The following BOD1L1 variants were observed in gnomAD, a reference collection of about 807,000 sequenced individuals.
The protein encoded by BOD1L1 is biorientation of chromosomes in cell division protein 1-like 1.
In BOD1L1, 86 loss-of-function variants were observed where a neutral mutation model predicts 240.7. The ratio of observed to expected loss-of-function variants is 0.36; its 90% confidence interval spans 0.30 to 0.43. BOD1L1 has a LOEUF of 0.43. BOD1L1 is among the 20% of genes least tolerant of loss of function. The pLI, the probability that BOD1L1 is intolerant of heterozygous loss-of-function variation, is 1.00. For missense variants in BOD1L1, 3,554 were observed against 3,643.5 expected (o/e 0.98, Z 0.63); for synonymous variants, 1,268 against 1,272.3 (o/e 1.00, Z 0.07).
intron 25 of BOD1L1, among the ~76,000 whole-genome samples, chr4:13,573,442 GTCTA>G (rs1553830292): frequency 0.014 from 1,635 of 120,844 alleles, 19 homozygotes; most frequent in South Asian, 0.037. Flanking sequence ...CTGTCTGTCT[GTCTA>G]TCTATCTATC....
chr4:13,585,894 A>T (rs766729653), intron 17 of BOD1L1, among the ~76,000 whole-genome samples: 7 of 152,170 alleles, frequency 4.6e-5, no homozygotes, highest in African/African-American at 7.2e-5. Flanking sequence ...TTCTACCATG[A>T]TTGTGAGGCC....
rs765489927 is a variant in BOD1L1, at chr4:13,600,496, C to A, written c.6404G>T (p.Ser2135Ile). 1 of 1,613,972 alleles carries A rather than the reference C, an allele frequency of 6.2e-7. No homozygotes were observed. Among genetic ancestry groups the A allele is most frequent in the South Asian group, 1.1e-5 (1 of 91,088 alleles). The change falls in exon 10 of 26, where the codon AGT (serine) becomes ATT (isoleucine). Residue 2135 changes from serine (S) to isoleucine (I), a missense_variant. Ser to Ile is a moderately radical substitution (Grantham distance 142). This residue lies in a region of BOD1L1 where 3,393 missense variants were observed against 3,427.1 expected (regional missense o/e 0.99). Transcript: ENST00000040738. Reference sequence around the variant, plus strand: ...CATGGCACACTCATCTTTCTCTTCACTTCTGCTGGCAGTGAGTTGGCTGTC... The same window carrying A: ...CATGGCACACTCATCTTTCTCTTCAATTCTGCTGGCAGTGAGTTGGCTGTC... ...GDDSQLTASRSEEKDECAMIS... is the reference protein window; with the variant it reads ...GDDSQLTASRIEEKDECAMIS...
At chr4:13,591,087 T>A (rs1393352194) in intron 13 of BOD1L1, among the ~76,000 whole-genome samples, 3 of 152,102 alleles carry the variant, frequency 2.0e-5, no homozygotes, top group East Asian at 1.9e-4. Flanking sequence ...ATTTTTTTTT[T>A]AAATAAAAAA....
In BOD1L1 at chr4:13,602,332, C is replaced by T. The variant is rs559254668; in HGVS notation, c.4568G>A (p.Gly1523Glu). The T allele has an allele frequency of 1.9e-6, 3 of 1,613,920 alleles. No homozygotes were observed. In the South Asian group the frequency reaches 3.3e-5, roughly 18 times the overall value. Residue 1523 changes from glycine (G) to glutamate (E), a missense_variant, in exon 10 of 26, where the codon GGG (glycine) becomes GAG (glutamate). Physicochemically the swap from Gly to Glu is moderately conservative, Grantham distance 98. Transcript: ENST00000040738. ...EKTSVATSTEGKDKDVTLSPV... is the reference protein window; with the variant it reads ...EKTSVATSTEEKDKDVTLSPV... ...ACTTAAGGTGACATCTTTGTCCTTC[C>T]CTTCAGTACTAGTGGCAACAGAAGT...
intron 17 of BOD1L1, among the ~76,000 whole-genome samples, chr4:13,584,476 G>GTGTGTGTC (rs1553836244): frequency 3.4e-4 from 52 of 151,314 alleles, no homozygotes; most frequent in African/African-American, 1.2e-3. Flanking sequence ...GTGTGTGTGT[G>GTGTGTGTC]TGTGTGTTGG....
chr4:13,619,955 T>C lies in BOD1L1; in HGVS notation c.356A>G (p.Gln119Arg). ...CTCTGAGACTTACTTGAGGACTTGT[T>C]GTCTAATGTTGTTTCTTAGCTGGTT... ...NKNQLRNNIR[Q>R]QVLKSGMLES... is the part of the protein sequence containing the mutation. The change falls in exon 2 of 26, where the codon CAA becomes CGA. Residue 119 changes from glutamine (Q) to arginine (R), a missense_variant. Coordinates refer to ENST00000040738, the MANE Select transcript of BOD1L1 (RefSeq NM_148894.3). The C allele has an allele frequency of 6.2e-7, 1 of 1,612,972 alleles. No homozygotes were observed. The highest frequency in any genetic ancestry group is 8.5e-7 in the Non-Finnish European group (1 of 1,179,384).
In BOD1L1 at chr4:13,615,571, A is replaced by G. The variant is rs547450787; in HGVS notation, c.369-69T>C. The G allele has an allele frequency of 2.2e-6, 3 of 1,349,660 alleles. No individual in the cohort carries two copies. The African/African-American group carries it at 4.4e-5, about 20-fold the overall frequency. The allele number at this position is 1,349,660 out of a possible 1,614,324, so 83.6% of individuals were successfully genotyped here. A position where few individuals can be genotyped will look rare whatever the true frequency, so the allele number is the denominator to read the frequency against. On this transcript the variant is annotated intron_variant, in intron 2 of 25. Transcript: ENST00000040738. Reference sequence around the variant, plus strand: ...TTATTTGCATTAATTACTTTAAAATAACACTCTACAATCTGTCATCTATCT... The same window carrying G: ...TTATTTGCATTAATTACTTTAAAATGACACTCTACAATCTGTCATCTATCT...
Position 13,613,451 on chromosome 4 carries a change from A to G in BOD1L1, c.1324+61T>C. ...CACTGTTTCTCAGGATATAGCCATC[A>G]GAATATACAAATAATGCTTGACAGG... On this transcript the variant is annotated intron_variant, in intron 5 of 25. Transcript: ENST00000040738. This position sits in a 1 kb window ranked among gnomAD's most constrained non-coding sequence, Gnocchi z 4.0. The G allele has an allele frequency of 6.9e-7, 1 of 1,446,962 alleles. No homozygotes were observed. Among genetic ancestry groups the G allele is most frequent in the Non-Finnish European group, 9.5e-7 (1 of 1,056,780 alleles). 89.6% of individuals were successfully genotyped at this position (1,446,962 alleles called of 1,614,324 possible).
chr4:13,609,325 T>C lies in BOD1L1; in HGVS notation c.1573A>G (p.Lys525Glu). 1 of 1,557,060 alleles carries C rather than the reference T, an allele frequency of 6.4e-7. No individual in the cohort carries two copies. The highest frequency in any genetic ancestry group is 1.4e-5 in the African/African-American group (1 of 72,966). Residue 525 changes from lysine (K) to glutamate (E), a missense_variant, in exon 7 of 26, where the codon AAG becomes GAG. This residue lies in a region of BOD1L1 where 3,393 missense variants were observed against 3,427.1 expected (regional missense o/e 0.99). Transcript: ENST00000040738. Reference protein sequence around the residue: ...LEEKRKQKAEKTKSSKTKGQG... With the variant: ...LEEKRKQKAEETKSSKTKGQG... Reference sequence around the variant, plus strand: ...CCCTTGGTTTTTGAAGACTTTGTCTTTTCTGCTTTCTGTTTTCGTTTTTCT... The same window carrying C: ...CCCTTGGTTTTTGAAGACTTTGTCTCTTCTGCTTTCTGTTTTCGTTTTTCT...
chr4:13,620,100 G>T lies in BOD1L1; in HGVS notation c.244-33C>A, dbSNP rs142881558. On this transcript the variant is annotated intron_variant, in intron 1 of 25. Transcript: ENST00000040738. ...GAAAAAAACGAAGGTAAGTCTTCAA[G>T]GTTATACAGTATCAATATTCACCTC... 5.8e-6 allele frequency: 9 copies of T among 1,564,758 alleles called. 1 individual carries two copies. In the African/African-American group the frequency reaches 9.5e-5, roughly 16 times the overall value.
chr4:13,614,150 C>G, intron 4 of BOD1L1, 46 bp downstream of exon 4: 1 of 1,419,228 alleles, frequency 7.0e-7, no homozygotes. Flanking sequence ...GATCCCAAAA[C>G]ACTCTGTTCT....
rs1229937602 is a variant in BOD1L1, at chr4:13,600,123, G to A, written c.6777C>T (p.Ser2259=). The part of the protein sequence containing the change: ...EKDGSGIIST[S]SVEDCEGPVS... ...CTGGGCCCTCACAGTCTTCCACCGAGCTCGTAGAGATGATGCCACTCCCGT... is the reference window on the plus strand; with the variant it reads ...CTGGGCCCTCACAGTCTTCCACCGAACTCGTAGAGATGATGCCACTCCCGT... Residue 2259 remains serine, a synonymous_variant, in exon 10 of 26, where the codon AGC becomes AGT. Transcript: ENST00000040738. 6.2e-7 allele frequency: 1 copy of A among 1,613,924 alleles called. No individual in the cohort carries two copies. Among genetic ancestry groups the A allele is most frequent in the Non-Finnish European group, 8.5e-7 (1 of 1,179,880 alleles).
intron 13 of BOD1L1, among the ~76,000 whole-genome samples, chr4:13,590,791 A>G (rs1215089525): frequency 6.6e-6 from 1 of 152,154 alleles, no homozygotes; most frequent in African/African-American, 2.4e-5. Flanking sequence ...TAAAAACTCT[A>G]TAGGATTCTG....
intron 17 of BOD1L1, among the ~76,000 whole-genome samples, chr4:13,585,128 A>G (rs1713568922): frequency 6.6e-6 from 1 of 152,214 alleles, no homozygotes; most frequent in Admixed American, 6.5e-5. Context: ...GATTTTGGAC[A>G]GGGCAGGGTG....
chr4:13,582,124 C>A (rs1030399067), intron 19 of BOD1L1, 113 bp downstream of exon 19: 11 of 793,394 alleles, frequency 1.4e-5, no homozygotes, highest in Non-Finnish European at 2.0e-5. Context: ...ACTAAAAAAA[C>A]CGCAGCTTCT....
At chr4:13,571,968 T>G (rs762905345) in intron 25 of BOD1L1, among the ~76,000 whole-genome samples, 3 of 152,194 alleles carry the variant, frequency 2.0e-5, no homozygotes, top group Admixed American at 6.5e-5. Flanking sequence ...GATGAAAATG[T>G]GGTAAGAGGT....
intron 21 of BOD1L1, among the ~76,000 whole-genome samples, chr4:13,580,707 A>AAT (rs1441598957): frequency 6.6e-6 from 1 of 152,220 alleles, no homozygotes; most frequent in South Asian, 2.1e-4. Flanking sequence ...AGTCTCTATA[A>AAT]AGAAGCCACT....
At chr4:13,626,313 C>T (rs1717387859) in intron 1 of BOD1L1, 1 of 118,912 alleles carries the variant, frequency 8.4e-6, no homozygotes, top group African/African-American at 3.3e-5. Context: ...GGGCGAGACT[C>T]TGTCTCAAAA....
chr4:13,617,017 C>T (rs556436512), intron 2 of BOD1L1, among the ~76,000 whole-genome samples: 72 of 152,174 alleles, frequency 4.7e-4, no homozygotes, highest in African/African-American at 1.2e-3. Flanking sequence ...GAGGCCAAGG[C>T]GGGCAGATCA....
Sources: gnomAD v4.1 joint callset for allele counts (sites outside exome capture counted in the v4.1 genomes callset) on GRCh38, gnomAD v4.1.1 for gene constraint, gnomAD v4.1.1 regional missense constraint, Gnocchi (gnomAD v3.1) non-coding constraint, MANE v1.5 for transcripts, NCBI Gene and HGNC (gene_info 2026-07-23, HGNC 2026-07-21) for gene names.